CD2AP: variants seen among roughly 807,000 people sequenced by gnomAD.
CD2AP encodes CD2-associated protein.
Under a neutral mutation model 85.1 loss-of-function variants are expected in CD2AP, and 46 were observed. That is an observed-to-expected ratio of 0.54 (90% CI 0.43 to 0.69). The LOEUF is 0.69. Among genes scored for constraint, CD2AP ranks in the 30% least tolerant of loss-of-function variants. CD2AP has a pLI of 0.00. For missense variants in CD2AP, 769 were observed against 729.5 expected, an observed-to-expected ratio of 1.05 and a Z score of -0.62; for synonymous variants, 255 against 252.9, an observed-to-expected ratio of 1.01 and a Z score of -0.08.
At chr6:47,572,390 C>G (rs1480299886) in intron 5 of CD2AP, among the ~76,000 whole-genome samples, 2 of 152,178 alleles carry the variant, frequency 1.3e-5, no homozygotes, top group African/African-American at 2.4e-5. Flanking sequence ...TCATTTTATT[C>G]ATTGTAAACA....
chr6:47,605,240 T>G (rs978365798), intron 13 of CD2AP, among the ~76,000 whole-genome samples: 5 of 152,020 alleles, frequency 3.3e-5, no homozygotes, highest in African/African-American at 7.2e-5. Context: ...GTTTGGAATC[T>G]GGGGTAAAGG....
In CD2AP at chr6:47,554,746, A is replaced by C. The variant is rs762020246; in HGVS notation, c.521A>C (p.His174Pro). The C allele has an allele frequency of 1.1e-5, 17 of 1,613,408 alleles. No individual in the cohort carries two copies. The Admixed American group carries it at 2.5e-4, about 24-fold the overall frequency. The change falls in exon 5 of 18, where the codon CAT (histidine) becomes CCT (proline). Residue 174 changes from histidine to proline, a missense_variant. Coordinates refer to ENST00000359314, the MANE Select transcript of CD2AP (RefSeq NM_012120.3). ...ELEVTDDGETHEAQDDSETVL... is the reference protein window; with the variant it reads ...ELEVTDDGETPEAQDDSETVL... Reference sequence around the variant, plus strand: ...GAGGTAACAGATGATGGTGAAACTCATGAAGCCCAGGACGATTCAGGTAGA... The same window carrying C: ...GAGGTAACAGATGATGGTGAAACTCCTGAAGCCCAGGACGATTCAGGTAGA...
chr6:47,606,220 A>T lies in CD2AP; in HGVS notation c.1473A>T (p.Ala491=). The T allele has an allele frequency of 6.2e-7, 1 of 1,612,292 alleles. No individual in the cohort carries two copies. Among genetic ancestry groups the T allele is most frequent in the Non-Finnish European group, 8.5e-7 (1 of 1,178,512 alleles). The change falls in exon 14 of 18, where the codon GCA becomes GCT. Residue 491 remains alanine, a synonymous_variant. Transcript: ENST00000359314. The stretch of plus-strand genomic sequence containing the variant: ...CAGAAAACTTGCTTCATCTCACTGC[A>T]AATAGACCAAAGATGCCTGGAAGAA... ...ASSENLLHLT[A]NRPKMPGRRL... is the part of the protein sequence containing the mutation.
At chr6:47,562,824 T>A in intron 5 of CD2AP, 1 of 1,139,556 alleles carries the variant, frequency 8.8e-7, no homozygotes, top group Non-Finnish European at 1.3e-6. Context: ...TGGAGGCCCT[T>A]GGTGCTGAAC....
chr6:47,485,857 A>G (rs939857332), intron 1 of CD2AP, among the ~76,000 whole-genome samples: 2 of 152,294 alleles, frequency 1.3e-5, no homozygotes, highest in South Asian at 2.1e-4. Flanking sequence ...CATGCTGTAC[A>G]GTTTTGTAGC....
chr6:47,499,071 G>T (rs750021145), intron 1 of CD2AP, among the ~76,000 whole-genome samples: 7 of 152,166 alleles, frequency 4.6e-5, no homozygotes, highest in Admixed American at 2.6e-4. Flanking sequence ...CTGTGGGTCA[G>T]TTTGATACCA....
At chr6:47,537,820 G>A (rs1158848894) in intron 3 of CD2AP, among the ~76,000 whole-genome samples, 2 of 150,466 alleles carry the variant, frequency 1.3e-5, no homozygotes, top group East Asian at 3.9e-4. Flanking sequence ...TGGATACAGA[G>A]TCTCAGGCTG....
At chr6:47,492,755 C>T (rs1443665607) in intron 1 of CD2AP, among the ~76,000 whole-genome samples, 5 of 152,056 alleles carry the variant, frequency 3.3e-5, no homozygotes, top group African/African-American at 7.2e-5. Context: ...CTTGGTCATT[C>T]TTTCTAGAGA....
chr6:47,599,512 T>C (rs1179423190), intron 13 of CD2AP, 69 bp downstream of exon 13: 3 of 1,365,878 alleles, frequency 2.2e-6, no homozygotes, highest in Admixed American at 1.9e-5. Context: ...TTAAGAGATA[T>C]ATTTATGCAA....
chr6:47,564,947 T>A (rs9395278), intron 5 of CD2AP, among the ~76,000 whole-genome samples: 91,699 of 151,810 alleles, frequency 0.6, 28,508 homozygotes, highest in Middle Eastern at 0.74. Flanking sequence ...CTTTTAAATT[T>A]AATAGTGTTC....
chr6:47,584,602 C>T (rs1213025077), intron 11 of CD2AP, among the ~76,000 whole-genome samples: 2 of 152,100 alleles, frequency 1.3e-5, no homozygotes, highest in African/African-American at 2.4e-5. Flanking sequence ...AGCACTCACT[C>T]TCTAGTCCCT....
At position 47,596,041 on chromosome 6, in the gene CD2AP, A is replaced by G; in HGVS notation, c.1274+15A>G. ...CCTATAGCCAAGTAAGTTTTACCTAATTTTAAATTAGCTTACTGATTTACT... is the reference window on the plus strand; with the variant it reads ...CCTATAGCCAAGTAAGTTTTACCTAGTTTTAAATTAGCTTACTGATTTACT... On this transcript the variant is annotated intron_variant, in intron 12 of 17. Transcript: ENST00000359314. 6.3e-7 allele frequency: 1 copy of G among 1,597,940 alleles called. No individual in the cohort carries two copies. The highest frequency in any genetic ancestry group is 8.6e-7 in the Non-Finnish European group (1 of 1,165,598).
At chr6:47,621,007 C>CCT (rs1769730936) in intron 17 of CD2AP, among the ~76,000 whole-genome samples, 1 of 152,092 alleles carries the variant, frequency 6.6e-6, no homozygotes, top group Admixed American at 6.5e-5. Context: ...AGTTTGACTT[C>CCT]CTCTTTATTG....
At chr6:47,556,055 C>A (rs910061198) in intron 5 of CD2AP, among the ~76,000 whole-genome samples, 1 of 129,966 alleles carries the variant, frequency 7.7e-6, no homozygotes, top group Non-Finnish European at 1.7e-5. Flanking sequence ...TTTTCCTTTT[C>A]TTTTTTTTTT....
intron 12 of CD2AP, 112 bp from the exon 13 acceptor site, chr6:47,599,189 A>C: frequency 1.2e-6 from 1 of 855,766 alleles, no homozygotes; most frequent in Non-Finnish European, 1.9e-6. Flanking sequence ...GGTTTTACAG[A>C]ACAGAAAGTA....
chr6:47,595,704 TTAAAA>T (rs891953967), intron 11 of CD2AP, among the ~76,000 whole-genome samples, 152 bp from the exon 12 acceptor site: 2 of 151,796 alleles, frequency 1.3e-5, no homozygotes, highest in East Asian at 3.9e-4. Context: ...AAATATAACT[TTAAAA>T]TAAGTAAAAC....
At chr6:47,560,580 G>C (rs566663708) in intron 5 of CD2AP, among the ~76,000 whole-genome samples, 1 of 151,768 alleles carries the variant, frequency 6.6e-6, no homozygotes, top group Admixed American at 6.6e-5. Flanking sequence ...TTTTTCCCCC[G>C]ATTCCTCATG....
chr6:47,566,048 C>T (rs780107960), intron 5 of CD2AP, among the ~76,000 whole-genome samples: 39 of 151,996 alleles, frequency 2.6e-4, no homozygotes, highest in Non-Finnish European at 4.9e-4. Flanking sequence ...ATTCCTCTCT[C>T]ACAGCCTTTG....
chr6:47,559,197 C>G (rs1208315479), intron 5 of CD2AP, among the ~76,000 whole-genome samples: 1 of 150,332 alleles, frequency 6.7e-6, no homozygotes, highest in Admixed American at 6.6e-5. Context: ...TTATCCATGT[C>G]TATTTGATTC....
Sources: allele counts gnomAD v4.1 joint callset (sites outside exome capture counted in the v4.1 genomes callset), GRCh38; gene constraint gnomAD v4.1.1; transcripts MANE v1.5; gene names NCBI Gene and HGNC (gene_info 2026-07-23, HGNC 2026-07-21).